The following AKAP1 variants were observed in gnomAD, a reference collection of about 807,000 sequenced individuals.
AKAP1 encodes the protein A-kinase anchoring protein 1.
Under a neutral mutation model 79.8 loss-of-function variants are expected in AKAP1, and 32 were observed. That is an observed-to-expected ratio of 0.40 (90% CI 0.30 to 0.54). The LOEUF is 0.54. Among genes scored for constraint, AKAP1 ranks in the 20% least tolerant of loss-of-function variants. The pLI is 0.47. For synonymous variants in AKAP1, 416 were observed against 466.7 expected (o/e 0.89, Z 1.40); for missense variants, 961 against 1,138.9 (o/e 0.84, Z 2.25).
chr17:57,105,320 C>A, intron 1 of AKAP1, 121 bp from the exon 2 acceptor site: 1 of 929,256 alleles, frequency 1.1e-6, no homozygotes, highest in Non-Finnish European at 1.7e-6. Flanking sequence ...TCTTGGAGGG[C>A]AGGGAAGGCG....
chr17:57,112,467 G>T, intron 4 of AKAP1, 24 bp from the exon 5 acceptor site: 1 of 1,609,686 alleles, frequency 6.2e-7, no homozygotes, highest in South Asian at 1.1e-5. Context: ...GTGATTGTAT[G>T]TCCTGCCCCC....
intron 8 of AKAP1, 60 bp from the exon 9 acceptor site, chr17:57,118,321 T>G: frequency 6.6e-7 from 1 of 1,515,184 alleles, no homozygotes. Flanking sequence ...CTTGTGTACA[T>G]GACAAGGGTG....
intron 9 of AKAP1, 53 bp downstream of exon 9, chr17:57,118,507 G>T: frequency 6.3e-7 from 1 of 1,579,992 alleles, no homozygotes; most frequent in South Asian, 1.1e-5. Flanking sequence ...CTTGGGAACT[G>T]ACCTTTCAAT....
chr17:57,117,425 T>C (rs1915655208), intron 8 of AKAP1, among the ~76,000 whole-genome samples: 1 of 152,230 alleles, frequency 6.6e-6, no homozygotes, highest in South Asian at 2.1e-4. Flanking sequence ...CTGTCTTTGA[T>C]GCTGGCTGTG....
At chr17:57,114,671 C>A in intron 6 of AKAP1, 35 bp downstream of exon 6, 1 of 1,586,048 alleles carries the variant, frequency 6.3e-7, no homozygotes, top group South Asian at 1.1e-5. Context: ...GAAGGGGGAC[C>A]CCTGGGGTTG....
chr17:57,090,744 T>C (rs1316034877), intron 1 of AKAP1, among the ~76,000 whole-genome samples: 1 of 152,206 alleles, frequency 6.6e-6, no homozygotes, highest in Non-Finnish European at 1.5e-5. Context: ...CCATATTTTA[T>C]CATCAGAATT....
At chr17:57,107,596 C>T (rs145838206) in intron 2 of AKAP1, among the ~76,000 whole-genome samples, 3 of 152,276 alleles carry the variant, frequency 2.0e-5, no homozygotes, top group Admixed American at 6.5e-5. Flanking sequence ...CCTCGGCCTC[C>T]CAGAGTGCTG....
rs555370631 is a variant in AKAP1 at position 57,090,736 on chromosome 17, A to C, written c.-25+5338A>C. On this transcript the variant is annotated intron_variant, in intron 1 of 10. Coordinates refer to ENST00000337714, the MANE Select transcript of AKAP1 (RefSeq NM_003488.4). Reference sequence around the variant, plus strand: ...TTAACTCTCTTGTCTTTCCAAAGCCATATTTTATCATCAGAATTATGCAAC... The same window carrying C: ...TTAACTCTCTTGTCTTTCCAAAGCCCTATTTTATCATCAGAATTATGCAAC... 2.6e-5 allele frequency among the ~76,000 whole-genome samples: 4 copies of C among 152,374 alleles called. No homozygotes were observed. The South Asian group carries it at 8.3e-4, about 32-fold the overall frequency.
rs771435126 is a variant in AKAP1 at position 57,105,547 on chromosome 17, G to T, written c.83G>T (p.Arg28Leu). 2 of 1,614,036 alleles carry T rather than the reference G, an allele frequency of 1.2e-6. No homozygotes were observed. Among genetic ancestry groups the T allele is most frequent in the Non-Finnish European group, 1.7e-6 (2 of 1,179,996 alleles). Residue 28 changes from arginine (R) to leucine (L), a missense_variant, in exon 2 of 11, where the codon CGT (arginine) becomes CTT (leucine). Arg to Leu is a moderately radical substitution (Grantham distance 102). This residue lies in a region of AKAP1 where 108 missense variants were observed against 147.6 expected (regional missense o/e 0.73). Transcript: ENST00000337714. Reference sequence around the variant, plus strand: ...CTCGGCTGGTGGTGGTTTTTCTCTCGTAAAAAAGGCCATGTCAGCAGCCAT... The same window carrying T: ...CTCGGCTGGTGGTGGTTTTTCTCTCTTAAAAAAGGCCATGTCAGCAGCCAT... ...ALLGWWWFFSRKKGHVSSHDE... is the reference protein window; with the variant it reads ...ALLGWWWFFSLKKGHVSSHDE...
intron 1 of AKAP1, among the ~76,000 whole-genome samples, chr17:57,089,035 T>G (rs1913624815): frequency 6.6e-6 from 1 of 152,222 alleles, no homozygotes; most frequent in African/African-American, 2.4e-5. Flanking sequence ...TGGGCTTAGC[T>G]GACAAGAGCC....
chr17:57,111,977 G>T lies in AKAP1; in HGVS notation c.1975+53G>T, dbSNP rs1284727888. 13 of 1,584,802 alleles carry T rather than the reference G, an allele frequency of 8.2e-6. No homozygotes were observed. In the South Asian group the frequency reaches 1.5e-4, roughly 18 times the overall value. On this transcript the variant is annotated intron_variant, in intron 4 of 10. Transcript: ENST00000337714. Reference sequence around the variant, plus strand: ...CTCTTACCTGAAATATTAAATAGAAGTGAATAGCATCTGAGTTTCAATTGC... The same window carrying T: ...CTCTTACCTGAAATATTAAATAGAATTGAATAGCATCTGAGTTTCAATTGC...
intron 1 of AKAP1, among the ~76,000 whole-genome samples, chr17:57,091,235 A>G (rs1913764202): frequency 1.3e-5 from 2 of 152,236 alleles, no homozygotes; most frequent in African/African-American, 4.8e-5. Context: ...GCCGTGCTGC[A>G]AATAACCTCC....
At position 57,106,881 on chromosome 17, in the gene AKAP1, G is replaced by C; in HGVS notation, c.1417G>C (p.Glu473Gln). 1 of 1,613,934 alleles carries C rather than the reference G, an allele frequency of 6.2e-7. No individual in the cohort carries two copies. Among genetic ancestry groups the C allele is most frequent in the Non-Finnish European group, 8.5e-7 (1 of 1,179,778 alleles). The part of the protein sequence containing the change: ...SCLALTTPSE[E>Q]LPDRAGILVE... ...CCTGGCACTGACCACCCCCAGTGAA[G>C]AGTTGCCGGACCGGGCAGGCATCCT... The change falls in exon 2 of 11, where the codon GAG becomes CAG. Residue 473 changes from glutamate (E) to glutamine (Q), a missense_variant. This residue lies in a region of AKAP1 where 629 missense variants were observed against 781.1 expected (regional missense o/e 0.81). Coordinates refer to ENST00000337714, the MANE Select transcript of AKAP1 (RefSeq NM_003488.4).
Position 57,106,208 on chromosome 17 carries a change from C to T in AKAP1, c.744C>T (p.Ser248=), listed in dbSNP as rs763641147. ...AGGGGGAAGAAGATAAGGGGAAGAG[C>T]AGCTCATCCCAGGTGGTGGGGCCAG... ...SLEGEEDKGK[S]SSSQVVGPVQ... Residue 248 remains serine, a synonymous_variant, in exon 2 of 11, where the codon AGC becomes AGT. Coordinates refer to ENST00000337714, the MANE Select transcript of AKAP1 (RefSeq NM_003488.4). The T allele has an allele frequency of 6.2e-7, 1 of 1,614,176 alleles. No homozygotes were observed. Among genetic ancestry groups the T allele is most frequent in the East Asian group, 2.2e-5 (1 of 44,884 alleles).
At chr17:57,087,956 G>A (rs947768425) in intron 1 of AKAP1, among the ~76,000 whole-genome samples, 45 of 152,112 alleles carry the variant, frequency 3.0e-4, no homozygotes, top group African/African-American at 1.1e-3. Context: ...TCTGTAGCTT[G>A]GTCTGTTTTC....
At chr17:57,108,968 G>A (rs1915070745) in intron 2 of AKAP1, among the ~76,000 whole-genome samples, 2 of 152,238 alleles carry the variant, frequency 1.3e-5, no homozygotes, top group African/African-American at 4.8e-5. Context: ...CCCAGAAGGG[G>A]TACTTTTCCC....
Position 57,086,806 on chromosome 17 carries a change from T to TC in AKAP1, c.-25+1408_-25+1409insC, listed in dbSNP as rs1408033965. Among the ~76,000 whole-genome samples the TC allele has an allele frequency of 6.6e-6, 1 of 151,916 alleles. No individual in the cohort carries two copies. The highest frequency in any genetic ancestry group is 1.5e-5 in the Non-Finnish European group (1 of 67,954). ...CTTCCCAAATTAGTACCTTTTTTTT[T>TC]TTTAACTCTTTATTTAGAAAGCAAA... On this transcript the variant is annotated intron_variant, in intron 1 of 10. Transcript: ENST00000337714. This position sits in a 1 kb window ranked among gnomAD's most constrained non-coding sequence, Gnocchi z 5.1.
At chr17:57,118,813 G>A (rs1472366731) in intron 9 of AKAP1, among the ~76,000 whole-genome samples, 169 bp from the exon 10 acceptor site, 1 of 152,160 alleles carries the variant, frequency 6.6e-6, no homozygotes, top group East Asian at 1.9e-4. Context: ...CAGATCTCAT[G>A]AGAACTCACT....
chr17:57,086,577 GC>G lies in AKAP1; in HGVS notation c.-25+1180del, dbSNP rs1280805879. The G allele has an allele frequency of 2.6e-6, 1 of 381,528 alleles. No homozygotes were observed. The highest frequency in any genetic ancestry group is 2.1e-5 in the African/African-American group (1 of 46,964). 23.6% of individuals were successfully genotyped at this position (381,528 alleles called of 1,614,324 possible). On this transcript the variant is annotated intron_variant, in intron 1 of 10. Coordinates refer to ENST00000337714, the MANE Select transcript of AKAP1 (RefSeq NM_003488.4). The surrounding 1 kb of genome is among the most constrained non-coding windows in gnomAD (Gnocchi z 5.1). ...CTCTCAAGCTGGGTAGGGTGTATGC[GC>G]AGGGCAATTAGTGAGGTTAACCTGG...
Sources: gnomAD v4.1 joint callset for allele counts (sites outside exome capture counted in the v4.1 genomes callset) on GRCh38, gnomAD v4.1.1 for gene constraint, gnomAD v4.1.1 regional missense constraint, Gnocchi (gnomAD v3.1) non-coding constraint, MANE v1.5 for transcripts, NCBI Gene and HGNC (gene_info 2026-07-23, HGNC 2026-07-21) for gene names.